Variants in ZNF354C observed in about 807,000 individuals in gnomAD.
ZNF354C encodes the protein zinc finger protein 354C, also known as KRAB-zinc finger protein synten.
A neutral mutation model predicts 12.4 loss-of-function variants in ZNF354C; 7 were observed. That is an observed-to-expected ratio of 0.56 (90% CI 0.32 to 1.06). ZNF354C has a LOEUF of 1.06. Among genes scored for constraint, ZNF354C ranks in the 50% least tolerant of loss-of-function variants. ZNF354C has a pLI of 0.04. For synonymous variants in ZNF354C, 202 were observed against 224.5 expected (o/e 0.90, Z 0.90); for missense variants, 609 against 658.0 (o/e 0.93, Z 0.81).
At position 179,078,801 on chromosome 5, in the gene ZNF354C, C is replaced by G. The variant is rs1373478492; in HGVS notation, c.369C>G (p.Asn123Lys). The change falls in exon 5 of 5, where the codon AAC (asparagine) becomes AAG (lysine). Residue 123 changes from asparagine to lysine, a missense_variant. Coordinates refer to ENST00000315475, the MANE Select transcript of ZNF354C (RefSeq NM_014594.3). ...ESIKDGHWDI[N>K]FEEAVEFESE... ...TTAAGGATGGTCACTGGGACATTAA[C>G]TTTGAAGAAGCTGTGGAATTTGAGA... 1.2e-6 allele frequency: 2 copies of G among 1,614,044 alleles called. No individual in the cohort carries two copies. The highest frequency in any genetic ancestry group is 1.7e-6 in the Non-Finnish European group (2 of 1,180,004).
chr5:179,080,586 T>C lies in ZNF354C; in HGVS notation c.*489T>C, dbSNP rs17666515. The C allele has an allele frequency of 0.26, 38,837 of 152,282 alleles. 5,677 individuals carry two copies. The highest frequency in any genetic ancestry group is 0.38 in the South Asian group (1,819 of 4,822). 9.4% of individuals were successfully genotyped at this position (152,282 alleles called of 1,614,324 possible). A position where few individuals can be genotyped will look rare whatever the true frequency, so the allele number is the denominator to read the frequency against. ...AATTTAACTCTTCACATGGAAATAA[T>C]AAAGCTCTTTATATGAGCTGTCCCA... On this transcript the variant is annotated 3_prime_UTR_variant, in exon 5 of 5. Coordinates refer to ENST00000315475, the MANE Select transcript of ZNF354C (RefSeq NM_014594.3).
At chr5:179,064,019 T>C (rs1384302793) in intron 2 of ZNF354C, among the ~76,000 whole-genome samples, 1 of 152,208 alleles carries the variant, frequency 6.6e-6, no homozygotes, top group African/African-American at 2.4e-5. Flanking sequence ...CAAAATGCAG[T>C]GCACAGGAAT....
chr5:179,077,931 C>T (rs1353829684), intron 4 of ZNF354C, among the ~76,000 whole-genome samples: 1 of 151,430 alleles, frequency 6.6e-6, no homozygotes, highest in Non-Finnish European at 1.5e-5. Context: ...TTAGCCTCCT[C>T]AGTAGCTGGG....
At chr5:179,063,705 A>C (rs1761922636) in intron 2 of ZNF354C, among the ~76,000 whole-genome samples, 1 of 152,246 alleles carries the variant, frequency 6.6e-6, no homozygotes, top group South Asian at 2.1e-4. Context: ...GATTGTACAG[A>C]TGAGGAGACA....
chr5:179,075,237 C>T (rs531276197), intron 2 of ZNF354C, among the ~76,000 whole-genome samples: 4 of 144,466 alleles, frequency 2.8e-5, no homozygotes, highest in South Asian at 2.2e-4. Flanking sequence ...CTAGCCTGGG[C>T]GACAGAGTGA....
At position 179,081,661 on chromosome 5, in the gene ZNF354C, A is replaced by G. The variant is rs1269175009; in HGVS notation, c.*1564A>G. ...ATGAGGCTTTTAAACAGACCTCACT[A>G]TTTAACATTGTACCCAGTAGTGGTG... On this transcript the variant is annotated 3_prime_UTR_variant, in exon 5 of 5. Transcript: ENST00000315475. 1 of 152,194 alleles carries G rather than the reference A, an allele frequency of 6.6e-6. No homozygotes were observed. 9.4% of individuals were successfully genotyped at this position (152,194 alleles called of 1,614,324 possible). A position where few individuals can be genotyped will look rare whatever the true frequency, so the allele number is the denominator to read the frequency against.
chr5:179,078,215 A>T (rs1762156267), intron 4 of ZNF354C, among the ~76,000 whole-genome samples: 1 of 152,238 alleles, frequency 6.6e-6, no homozygotes, highest in Non-Finnish European at 1.5e-5. Flanking sequence ...ATTATCGGGC[A>T]TAGAGTTTCA....
chr5:179,063,541 G>A (rs1370484690), intron 2 of ZNF354C, among the ~76,000 whole-genome samples: 3 of 152,198 alleles, frequency 2.0e-5, no homozygotes, highest in African/African-American at 4.8e-5. Flanking sequence ...GCCTGGGCAC[G>A]AGAGTGAGAC....
chr5:179,078,458 A>T (rs1387493772), intron 4 of ZNF354C, among the ~76,000 whole-genome samples: 1 of 152,062 alleles, frequency 6.6e-6, no homozygotes, highest in African/African-American at 2.4e-5. Flanking sequence ...GAATCGCTTC[A>T]TTTTCATTGT....
In ZNF354C at chr5:179,082,783, C is replaced by G. The variant is rs1050187389; in HGVS notation, c.*2686C>G. 1 of 1,356,068 alleles carries G rather than the reference C, an allele frequency of 7.4e-7. No individual in the cohort carries two copies. The highest frequency in any genetic ancestry group is 1.4e-5 in the African/African-American group (1 of 69,444). The allele number at this position is 1,356,068 out of a possible 1,614,324, so 84.0% of individuals were successfully genotyped here. A position where few individuals can be genotyped will look rare whatever the true frequency, so the allele number is the denominator to read the frequency against. On this transcript the variant is annotated 3_prime_UTR_variant, in exon 5 of 5. Coordinates refer to ENST00000315475, the MANE Select transcript of ZNF354C (RefSeq NM_014594.3). ...ATTAGGCGAGGATCACTGGCATCAT[C>G]CAGGGTGATGTTCTTCAAGCGACTG...
intron 2 of ZNF354C, among the ~76,000 whole-genome samples, chr5:179,062,976 T>C (rs1761914452): frequency 6.6e-6 from 1 of 152,204 alleles, no homozygotes; most frequent in South Asian, 2.1e-4. Flanking sequence ...AGCATTCCTG[T>C]CTGTCATTCC....
chr5:179,065,874 G>T (rs111821546), intron 2 of ZNF354C, among the ~76,000 whole-genome samples: 1 of 152,300 alleles, frequency 6.6e-6, no homozygotes, highest in Non-Finnish European at 1.5e-5. Context: ...TGACATCCCT[G>T]TTGCTGTTCA....
intron 2 of ZNF354C, among the ~76,000 whole-genome samples, chr5:179,074,544 C>G (rs941664430): frequency 4.6e-5 from 7 of 152,130 alleles, no homozygotes; most frequent in Non-Finnish European, 1.0e-4. Flanking sequence ...CATAAAAAGG[C>G]CCCTGCTGAG....
chr5:179,078,676 A>T lies in ZNF354C; in HGVS notation c.251-7A>T. The T allele has an allele frequency of 6.3e-7, 1 of 1,576,714 alleles. No individual in the cohort carries two copies. The highest frequency in any genetic ancestry group is 8.6e-7 in the Non-Finnish European group (1 of 1,165,384). On this transcript the variant is annotated splice_polypyrimidine_tract_variant and splice_region_variant and intron_variant, in intron 4 of 4. Coordinates refer to ENST00000315475, the MANE Select transcript of ZNF354C (RefSeq NM_014594.3). The stretch of plus-strand genomic sequence containing the variant: ...GAGGAGGCATTAATTCTTCTGATTC[A>T]TTTTAGGTTTCAAGACTTGGCTTGA...
intron 2 of ZNF354C, among the ~76,000 whole-genome samples, chr5:179,067,892 G>A (rs1416089084): frequency 1.3e-5 from 2 of 152,078 alleles, no homozygotes; most frequent in African/African-American, 2.4e-5. Flanking sequence ...GGACATAGTG[G>A]CTCACGCCTG....
chr5:179,070,668 ATCT>A (rs1014719171), intron 2 of ZNF354C, among the ~76,000 whole-genome samples: 11 of 152,052 alleles, frequency 7.2e-5, no homozygotes, highest in South Asian at 4.2e-4. Context: ...ATTTCTTATA[ATCT>A]TCTTATAAAG....
At position 179,062,556 on chromosome 5, in the gene ZNF354C, G is replaced by C. The variant is rs1307483702; in HGVS notation, c.27+461G>C. Among the ~76,000 whole-genome samples, 2 of 152,194 alleles carry C rather than the reference G, an allele frequency of 1.3e-5. 1 individual carries two copies. Among genetic ancestry groups the C allele is most frequent in the African/African-American group, 4.8e-5 (2 of 41,430 alleles). On this transcript the variant is annotated intron_variant, in intron 2 of 4. Transcript: ENST00000315475. ...CATTTCCATCTTCTGGGAGTTCGTGGTATCGATCTTAGGAAACATGATTAA... is the reference window on the plus strand; with the variant it reads ...CATTTCCATCTTCTGGGAGTTCGTGCTATCGATCTTAGGAAACATGATTAA...
intron 3 of ZNF354C, 25 bp downstream of exon 3, chr5:179,076,596 G>A: frequency 6.2e-7 from 1 of 1,613,152 alleles, no homozygotes; most frequent in Non-Finnish European, 8.5e-7. Flanking sequence ...CTATGACGAA[G>A]AATCTGTTAT....
intron 4 of ZNF354C, among the ~76,000 whole-genome samples, chr5:179,078,019 C>G (rs534152741): frequency 6.6e-6 from 1 of 152,114 alleles, no homozygotes; most frequent in South Asian, 2.1e-4. Flanking sequence ...GTTCTCCAGG[C>G]TGGTCTCAAA....
Sources: allele counts gnomAD v4.1 joint callset (sites outside exome capture counted in the v4.1 genomes callset), GRCh38; gene constraint gnomAD v4.1.1; transcripts MANE v1.5; gene names NCBI Gene and HGNC (gene_info 2026-07-23, HGNC 2026-07-21).